SIPA1L1: variants seen among roughly 807,000 people sequenced by gnomAD.
The protein encoded by SIPA1L1 is signal-induced proliferation-associated 1-like protein 1.
Under a neutral mutation model 162.7 loss-of-function variants are expected in SIPA1L1, and 26 were observed. That is an observed-to-expected ratio of 0.16 (90% CI 0.12 to 0.22). SIPA1L1 has a LOEUF of 0.22. Among genes scored for constraint, SIPA1L1 ranks in the 10% least tolerant of loss-of-function variants. SIPA1L1 has a pLI of 1.00. For missense variants in SIPA1L1, 1,874 were observed against 2,241.0 expected (o/e 0.84, Z 3.31); for synonymous variants, 829 against 837.4 (o/e 0.99, Z 0.17).
chr14:71,588,349 C>T lies in SIPA1L1; in HGVS notation c.477C>T (p.Tyr159=), dbSNP rs986292784. The T allele has an allele frequency of 4.3e-6, 7 of 1,613,624 alleles. No individual in the cohort carries two copies. Residue 159 remains tyrosine, a synonymous_variant, in exon 5 of 24, where the codon TAC becomes TAT. Coordinates refer to ENST00000381232, the MANE Select transcript of SIPA1L1 (RefSeq NM_001386936.1). The surrounding 1 kb of genome is among the most constrained non-coding windows in gnomAD (Gnocchi z 4.3). ...MDSRFLMPEA[Y]PSSPRKALRR... The stretch of plus-strand genomic sequence containing the variant: ...CCAGATTTCTCATGCCTGAAGCCTA[C>T]CCCAGCTCCCCCAGAAAAGCTCTTC...
chr14:71,729,217 G>A (rs2084526068), intron 19 of SIPA1L1, among the ~76,000 whole-genome samples: 1 of 152,064 alleles, frequency 6.6e-6, no homozygotes, highest in South Asian at 2.1e-4. Flanking sequence ...TGTATTTTTA[G>A]TAGAGACGGG....
chr14:71,392,613 C>T (rs141283192), intron 2 of SIPA1L1, among the ~76,000 whole-genome samples: 14 of 152,240 alleles, frequency 9.2e-5, no homozygotes, highest in African/African-American at 2.6e-4. Context: ...CTGCAAGCCC[C>T]GCCTTCCGGC....
intron 2 of SIPA1L1, among the ~76,000 whole-genome samples, chr14:71,333,854 A>G (rs2034811612): frequency 6.6e-6 from 1 of 152,132 alleles, no homozygotes; most frequent in Non-Finnish European, 1.5e-5. Context: ...GTTTCTAGCA[A>G]TGCTCTATAG....
intron 2 of SIPA1L1, among the ~76,000 whole-genome samples, chr14:71,455,350 T>C (rs751104849): frequency 4.6e-5 from 7 of 152,198 alleles, no homozygotes; most frequent in Non-Finnish European, 7.3e-5. Context: ...TCATCCCTTT[T>C]CTTAAATTAT....
intron 2 of SIPA1L1, among the ~76,000 whole-genome samples, chr14:71,445,960 C>G (rs2045312094): frequency 6.6e-6 from 1 of 152,116 alleles, no homozygotes; most frequent in African/African-American, 2.4e-5. Context: ...AGTGCTCTTT[C>G]GTCTCAGCCT....
intron 2 of SIPA1L1, among the ~76,000 whole-genome samples, chr14:71,486,547 A>G (rs1289011848): frequency 6.6e-6 from 1 of 152,220 alleles, no homozygotes; most frequent in Non-Finnish European, 1.5e-5. Context: ...GCCAGCCCAA[A>G]TAAAATGATA....
chr14:71,463,682 C>T (rs1307015201), intron 2 of SIPA1L1, among the ~76,000 whole-genome samples: 1 of 152,170 alleles, frequency 6.6e-6, no homozygotes, highest in African/African-American at 2.4e-5. Context: ...TGTAAACTGG[C>T]TCAAGTCCGG....
At chr14:71,518,356 G>A (rs1340030250) in intron 3 of SIPA1L1, among the ~76,000 whole-genome samples, 4 of 151,990 alleles carry the variant, frequency 2.6e-5, no homozygotes, top group African/African-American at 9.7e-5. Context: ...TATATAGAGA[G>A]TAGAACAGGA....
chr14:71,457,807 G>A (rs368864464), intron 2 of SIPA1L1, among the ~76,000 whole-genome samples: 22 of 150,878 alleles, frequency 1.5e-4, no homozygotes, highest in East Asian at 7.9e-4. Context: ...ATGTTGCTCA[G>A]GCTGGTCTCG....
chr14:71,376,568 AT>A (rs958406791), intron 2 of SIPA1L1, among the ~76,000 whole-genome samples: 11 of 146,524 alleles, frequency 7.5e-5, no homozygotes, highest in Admixed American at 3.4e-4. Context: ...TCATTTATTT[AT>A]TTTTTTTTAG....
intron 5 of SIPA1L1, among the ~76,000 whole-genome samples, chr14:71,598,695 G>A (rs181589918): frequency 2.7e-4 from 41 of 152,182 alleles, no homozygotes; most frequent in African/African-American, 9.6e-4. Flanking sequence ...AAACACTGGT[G>A]AAATTCGAAT....
At chr14:71,668,310 G>C (rs780010695) in intron 10 of SIPA1L1, among the ~76,000 whole-genome samples, 3 of 152,116 alleles carry the variant, frequency 2.0e-5, no homozygotes, top group Non-Finnish European at 2.9e-5. Flanking sequence ...GCTTGTCGTG[G>C]AGCACTCTCT....
intron 2 of SIPA1L1, among the ~76,000 whole-genome samples, chr14:71,435,198 T>C (rs1226163284): frequency 6.6e-6 from 1 of 152,148 alleles, no homozygotes. Flanking sequence ...AATTATACTT[T>C]AAGTTCTAGG....
intron 2 of SIPA1L1, among the ~76,000 whole-genome samples, chr14:71,400,363 A>G (rs2041574158): frequency 6.6e-6 from 1 of 152,156 alleles, no homozygotes; most frequent in South Asian, 2.1e-4. Context: ...CACATAAACC[A>G]TCTCGGGACT....
At chr14:71,460,246 T>C (rs1476541591) in intron 2 of SIPA1L1, among the ~76,000 whole-genome samples, 1 of 152,198 alleles carries the variant, frequency 6.6e-6, no homozygotes, top group African/African-American at 2.4e-5. Context: ...CATTCTGTAT[T>C]CCCTTTGCAT....
chr14:71,415,282 T>C (rs1305720808), intron 2 of SIPA1L1, among the ~76,000 whole-genome samples: 1 of 152,208 alleles, frequency 6.6e-6, no homozygotes, highest in African/African-American at 2.4e-5. Flanking sequence ...TCTCTGAAAA[T>C]GTTTTTAAAG....
chr14:71,708,025 T>TTG (rs1184324605), intron 16 of SIPA1L1, among the ~76,000 whole-genome samples: 23 of 126,402 alleles, frequency 1.8e-4, no homozygotes, highest in Middle Eastern at 3.9e-3. Context: ...GTTTTTTTTT[T>TTG]TTTGTTTTTT....
At chr14:71,505,177 C>T (rs1595808415) in intron 2 of SIPA1L1, among the ~76,000 whole-genome samples, 1 of 152,096 alleles carries the variant, frequency 6.6e-6, no homozygotes, top group South Asian at 2.1e-4. Flanking sequence ...ATTCTTTGCC[C>T]AGGTGATCAA....
At chr14:71,718,410 G>A (rs1597199837) in intron 17 of SIPA1L1, among the ~76,000 whole-genome samples, 1 of 152,340 alleles carries the variant, frequency 6.6e-6, no homozygotes, top group East Asian at 1.9e-4. Context: ...TTTCACACCT[G>A]GGAGCTAGTG....
Sources: gnomAD v4.1 joint callset for allele counts (sites outside exome capture counted in the v4.1 genomes callset) on GRCh38, gnomAD v4.1.1 for gene constraint, Gnocchi (gnomAD v3.1) non-coding constraint, MANE v1.5 for transcripts, NCBI Gene and HGNC (gene_info 2026-07-23, HGNC 2026-07-21) for gene names.